Variants in STRN observed in about 807,000 individuals in gnomAD.
STRN encodes the protein protein phosphatase 2 regulatory subunit B'''alpha.
STRN carries 53 observed loss-of-function variants against 96.3 expected under a neutral mutation model. The observed-to-expected ratio is 0.55, with a 90% CI of 0.44 to 0.69. STRN has a LOEUF of 0.69. Among genes scored for constraint, STRN ranks in the 30% least tolerant of loss-of-function variants. STRN has a pLI of 0.00. For missense variants in STRN, 987 were observed against 963.9 expected (o/e 1.02, Z -0.32); for synonymous variants, 428 against 355.9 (o/e 1.20, Z -2.28).
chr2:36,950,222 T>G (rs1023650104), intron 1 of STRN, among the ~76,000 whole-genome samples: 12 of 146,688 alleles, frequency 8.2e-5, no homozygotes, highest in Admixed American at 2.0e-4. Context: ...TGTTTTTTTT[T>G]TTTTTTTTTT....
chr2:36,843,400 T>C lies in STRN; in HGVS notation c.*6056A>G, dbSNP rs970263990. Among the ~76,000 whole-genome samples the C allele has an allele frequency of 5.3e-5, 8 of 152,144 alleles. No homozygotes were observed. Among genetic ancestry groups the C allele is most frequent in the African/African-American group, 2.4e-5 (1 of 41,438 alleles). On this transcript the variant is annotated 3_prime_UTR_variant, in exon 18 of 18. Coordinates refer to ENST00000263918, the MANE Select transcript of STRN (RefSeq NM_003162.4). ...GGAAGGCTTGTGTATGTCTGTTAAG[T>C]AGCGAAACAAAAAATAAAAACATTG...
chr2:36,925,028 C>T lies in STRN; in HGVS notation c.338+77G>A, dbSNP rs143939756. The T allele has an allele frequency of 8.7e-4, 1,169 of 1,351,072 alleles. 12 individuals carry two copies. In the East Asian group the frequency reaches 0.024, roughly 28 times the overall value. 83.7% of individuals were successfully genotyped at this position (1,351,072 alleles called of 1,614,324 possible). A position where few individuals can be genotyped will look rare whatever the true frequency, so the allele number is the denominator to read the frequency against. On this transcript the variant is annotated intron_variant, in intron 2 of 17. Coordinates refer to ENST00000263918, the MANE Select transcript of STRN (RefSeq NM_003162.4). Reference sequence around the variant, plus strand: ...CCAAGATCGTACCATTGCACCCCAGCCTGGGCAACAAGAACGAAACTCCGT... The same window carrying T: ...CCAAGATCGTACCATTGCACCCCAGTCTGGGCAACAAGAACGAAACTCCGT...
At chr2:36,866,042 T>C (rs1668613268) in intron 12 of STRN, among the ~76,000 whole-genome samples, 1 of 152,160 alleles carries the variant, frequency 6.6e-6, no homozygotes, top group Non-Finnish European at 1.5e-5. Flanking sequence ...CATGTAACTG[T>C]ATGGTTTTGA....
intron 10 of STRN, among the ~76,000 whole-genome samples, chr2:36,872,601 T>C (rs1668790756): frequency 6.6e-6 from 1 of 152,222 alleles, no homozygotes. Flanking sequence ...GGTATTATTA[T>C]GAAACCAGGA....
At chr2:36,911,310 T>C (rs1669960554) in intron 3 of STRN, among the ~76,000 whole-genome samples, 2 of 152,198 alleles carry the variant, frequency 1.3e-5, no homozygotes. Flanking sequence ...GCAAACTGAT[T>C]GTCTGAGCAG....
intron 1 of STRN, among the ~76,000 whole-genome samples, chr2:36,957,352 C>A (rs761834252): frequency 6.6e-6 from 1 of 152,128 alleles, no homozygotes; most frequent in Non-Finnish European, 1.5e-5. Context: ...CTTTGGGAGG[C>A]GGAGGCGGGC....
intron 9 of STRN, among the ~76,000 whole-genome samples, chr2:36,878,534 C>T (rs1312703399): frequency 6.6e-6 from 1 of 152,100 alleles, no homozygotes; most frequent in Non-Finnish European, 1.5e-5. Flanking sequence ...AGGATTACCT[C>T]TGCCGGCCAG....
At chr2:36,919,621 A>G (rs79457909) in intron 2 of STRN, among the ~76,000 whole-genome samples, 4,542 of 152,310 alleles carry the variant, frequency 0.03, 102 homozygotes, top group East Asian at 0.12. Context: ...AATTAGCTAG[A>G]TATTTTTAAA....
At chr2:36,907,669 C>CT (rs746128091) in intron 3 of STRN, among the ~76,000 whole-genome samples, 97 of 152,206 alleles carry the variant, frequency 6.4e-4, no homozygotes, top group Admixed American at 1.6e-3. Flanking sequence ...GATAAGAAAG[C>CT]TTGAGTTTTG....
In STRN at chr2:36,848,856, T is replaced by C. The variant is rs908992591; in HGVS notation, c.*600A>G. On this transcript the variant is annotated 3_prime_UTR_variant, in exon 18 of 18. Coordinates refer to ENST00000263918, the MANE Select transcript of STRN (RefSeq NM_003162.4). ...TTTCTGAATAATAATATATTTAACATATTATTGCATTTTTCTCCCCCTAAC... is the reference window on the plus strand; with the variant it reads ...TTTCTGAATAATAATATATTTAACACATTATTGCATTTTTCTCCCCCTAAC... 2 of 152,696 alleles carry C rather than the reference T, an allele frequency of 1.3e-5. No individual in the cohort carries two copies. Among genetic ancestry groups the C allele is most frequent in the Non-Finnish European group, 2.9e-5 (2 of 68,120 alleles). The allele number at this position is 152,696 out of a possible 1,614,324, so 9.5% of individuals were successfully genotyped here.
At chr2:36,880,052 C>T (rs890325800) in intron 9 of STRN, among the ~76,000 whole-genome samples, 2 of 152,096 alleles carry the variant, frequency 1.3e-5, no homozygotes, top group Non-Finnish European at 2.9e-5. Flanking sequence ...CTGCAACGTA[C>T]ACCTCCCAGG....
At position 36,850,983 on chromosome 2, in the gene STRN, T is replaced by G; in HGVS notation, c.2086+17A>C. 2 of 1,530,186 alleles carry G rather than the reference T, an allele frequency of 1.3e-6. No individual in the cohort carries two copies. The highest frequency in any genetic ancestry group is 8.8e-7 in the Non-Finnish European group (1 of 1,131,060). The allele number at this position is 1,530,186 out of a possible 1,614,324, so 94.8% of individuals were successfully genotyped here. A position where few individuals can be genotyped will look rare whatever the true frequency, so the allele number is the denominator to read the frequency against. On this transcript the variant is annotated intron_variant, in intron 16 of 17. Coordinates refer to ENST00000263918, the MANE Select transcript of STRN (RefSeq NM_003162.4). ...TTTTTTTGCTTTAATAAAAATCAATTCTTAATAAATTCTTACCTGTATTGT... is the reference window on the plus strand; with the variant it reads ...TTTTTTTGCTTTAATAAAAATCAATGCTTAATAAATTCTTACCTGTATTGT...
At chr2:36,877,819 G>A (rs777165092) in intron 10 of STRN, 72 bp downstream of exon 10, 110 of 1,564,700 alleles carry the variant, frequency 7.0e-5, no homozygotes, top group Admixed American at 1.6e-4. Context: ...ACAGGCGTGA[G>A]CCACCGCACC....
intron 2 of STRN, among the ~76,000 whole-genome samples, chr2:36,918,472 A>C: frequency 6.6e-6 from 1 of 151,956 alleles, no homozygotes; most frequent in Non-Finnish European, 1.5e-5. Flanking sequence ...ATATATATAA[A>C]AGAAAAACAT....
chr2:36,851,107 G>A lies in STRN; in HGVS notation c.1979C>T (p.Thr660Ile). The change falls in exon 16 of 18, where the codon ACA (threonine) becomes ATA (isoleucine). Residue 660 changes from threonine (T) to isoleucine (I), a missense_variant and splice_region_variant. Transcript: ENST00000263918. Reference sequence around the variant, plus strand: ...ATTTATTTGGCAGGAAGAGTTGGCTGCTAAAAAGAAAAAATTAAAAAGCAA... The same window carrying A: ...ATTTATTTGGCAGGAAGAGTTGGCTACTAAAAAGAAAAAATTAAAAAGCAA... ...ILTLESNVDTTANSSCQINRV... is the reference protein window; with the variant it reads ...ILTLESNVDTIANSSCQINRV... 2 of 1,608,698 alleles carry A rather than the reference G, an allele frequency of 1.2e-6. No individual in the cohort carries two copies. Among genetic ancestry groups the A allele is most frequent in the Non-Finnish European group, 1.7e-6 (2 of 1,177,396 alleles).
intron 1 of STRN, among the ~76,000 whole-genome samples, chr2:36,948,537 A>C (rs1490408146): frequency 6.6e-6 from 1 of 152,228 alleles, no homozygotes; most frequent in Non-Finnish European, 1.5e-5. Flanking sequence ...TTAACAACAT[A>C]TACCGTGATA....
chr2:36,911,211 G>A (rs1455407203), intron 3 of STRN, among the ~76,000 whole-genome samples: 1 of 152,226 alleles, frequency 6.6e-6, no homozygotes, highest in African/African-American at 2.4e-5. Flanking sequence ...CAATATGCAT[G>A]TAGGAGATCC....
chr2:36,963,729 A>G (rs1665084954), intron 1 of STRN, among the ~76,000 whole-genome samples: 1 of 152,190 alleles, frequency 6.6e-6, no homozygotes, highest in African/African-American at 2.4e-5. Context: ...AGGCTGAGGC[A>G]GGCAGATCAC....
At position 36,838,542 on chromosome 2, in the gene STRN, TTTTC is replaced by T. The variant is rs1404193734; in HGVS notation, c.*10910_*10913del. Among the ~76,000 whole-genome samples, 2 of 152,206 alleles carry T rather than the reference TTTTC, an allele frequency of 1.3e-5. No individual in the cohort carries two copies. Among genetic ancestry groups the T allele is most frequent in the African/African-American group, 4.8e-5 (2 of 41,456 alleles). On this transcript the variant is annotated 3_prime_UTR_variant, in exon 18 of 18. Coordinates refer to ENST00000263918, the MANE Select transcript of STRN (RefSeq NM_003162.4). ...CTACATCCACCAGGATTTTTTTCTTTTTTCTACGTATTTTTTAATGTTACAATAG... is the reference window on the plus strand; with the variant it reads ...CTACATCCACCAGGATTTTTTTCTTTTACGTATTTTTTAATGTTACAATAG...
Sources: gnomAD v4.1 joint callset for allele counts (sites outside exome capture counted in the v4.1 genomes callset) on GRCh38, gnomAD v4.1.1 for gene constraint, MANE v1.5 for transcripts, NCBI Gene and HGNC (gene_info 2026-07-23, HGNC 2026-07-21) for gene names.